TPST2: variants seen among roughly 807,000 people sequenced by gnomAD.
TPST2 encodes the protein tyrosylprotein sulfotransferase 2.
Under a neutral mutation model 27.8 loss-of-function variants are expected in TPST2, and 16 were observed. The ratio of observed to expected loss-of-function variants is 0.58; its 90% CI spans 0.39 to 0.88. The LOEUF is 0.88. Ranked by LOEUF, TPST2 falls within the 40% of genes least tolerant of loss-of-function variation. TPST2 has a pLI of 0.00. For missense variants in TPST2, 464 were observed against 543.1 expected, an observed-to-expected ratio of 0.85 and a Z score of 1.45; for synonymous variants, 229 against 231.7, an observed-to-expected ratio of 0.99 and a Z score of 0.10.
chr22:26,573,041 TACACATAAGGGC>T (rs1460793744), intron 1 of TPST2, among the ~76,000 whole-genome samples: 1 of 152,176 alleles, frequency 6.6e-6, no homozygotes, highest in Non-Finnish European at 1.5e-5. Flanking sequence ...AGCAGCTAAA[TACACATAAGGGC>T]TTTACTACCA....
At chr22:26,582,930 C>T (rs959214384) in intron 1 of TPST2, among the ~76,000 whole-genome samples, 1 of 151,968 alleles carries the variant, frequency 6.6e-6, no homozygotes, top group African/African-American at 2.4e-5. Flanking sequence ...GGTGGCACGG[C>T]ACCCTAGCGC....
At chr22:26,562,246 G>T (rs1927140802) in intron 1 of TPST2, among the ~76,000 whole-genome samples, 1 of 152,204 alleles carries the variant, frequency 6.6e-6, no homozygotes, top group African/African-American at 2.4e-5. Flanking sequence ...CTGAGCTCCA[G>T]TCTGCCCATA....
chr22:26,568,988 C>A (rs980249136), intron 1 of TPST2, among the ~76,000 whole-genome samples: 5 of 152,000 alleles, frequency 3.3e-5, no homozygotes, highest in South Asian at 2.1e-4. Flanking sequence ...CTCAGCCTCC[C>A]GAGTAGCTGG....
intron 1 of TPST2, among the ~76,000 whole-genome samples, chr22:26,548,329 G>A (rs1259789453): frequency 6.7e-6 from 1 of 149,752 alleles, no homozygotes; most frequent in Non-Finnish European, 1.5e-5. Flanking sequence ...GGAAAGGGAA[G>A]GGGAGGGGAG....
intron 6 of TPST2, 135 bp downstream of exon 6, chr22:26,528,079 G>A: frequency 1.1e-6 from 1 of 932,636 alleles, no homozygotes; most frequent in Non-Finnish European, 1.6e-6. Context: ...CCTCTGATGG[G>A]GCTGGGTCAG....
At chr22:26,550,657 T>TC in intron 1 of TPST2, 1 of 985,728 alleles carries the variant, frequency 1.0e-6, no homozygotes, top group Non-Finnish European at 1.2e-6. Context: ...CTGCAATTCC[T>TC]CCCCATGGGA....
At chr22:26,563,565 G>C (rs1048201102) in intron 1 of TPST2, among the ~76,000 whole-genome samples, 2 of 151,726 alleles carry the variant, frequency 1.3e-5, no homozygotes, top group African/African-American at 4.8e-5. Flanking sequence ...TCCTGACCTT[G>C]TGATCCACCC....
chr22:26,563,747 T>A (rs1927240977), intron 1 of TPST2, among the ~76,000 whole-genome samples: 1 of 152,064 alleles, frequency 6.6e-6, no homozygotes, highest in Admixed American at 6.5e-5. Context: ...TGACATACCA[T>A]CACAAAGGAC....
At chr22:26,585,632 G>A (rs1259712596) in intron 1 of TPST2, among the ~76,000 whole-genome samples, 9 of 152,116 alleles carry the variant, frequency 5.9e-5, no homozygotes, top group Non-Finnish European at 1.0e-4. Context: ...GCCACGTGGG[G>A]CATCAAAGCC....
Position 26,532,703 on chromosome 22 carries a change from A to C in TPST2, c.1084T>G (p.Tyr362Asp). The C allele has an allele frequency of 6.2e-7, 1 of 1,614,044 alleles. No individual in the cohort carries two copies. Among genetic ancestry groups the C allele is most frequent in the Non-Finnish European group, 8.5e-7 (1 of 1,179,900 alleles). Residue 362 changes from tyrosine to aspartate, a missense_variant, in exon 5 of 7, where the codon TAT becomes GAT. Physicochemically the swap from Tyr to Asp is radical, Grantham distance 160. Transcript: ENST00000338754. Reference sequence around the variant, plus strand: ...CCCTTGGGGTTTCTAACCTGAAAATATCCTTTCAGATTGGCTGGTGTTTTA... The same window carrying C: ...CCCTTGGGGTTTCTAACCTGAAAATCTCCTTTCAGATTGGCTGGTGTTTTA... ...DYKTPANLKG[Y>D]FQVNQNSTSS...
intron 1 of TPST2, among the ~76,000 whole-genome samples, chr22:26,571,318 C>A (rs560009231): frequency 1.6e-4 from 24 of 152,334 alleles, no homozygotes; most frequent in African/African-American, 5.5e-4. Context: ...CACTCTCTCA[C>A]CCTCCTGTCC....
chr22:26,572,780 T>TTTC (rs1211439476), intron 1 of TPST2, among the ~76,000 whole-genome samples: 1 of 152,198 alleles, frequency 6.6e-6, no homozygotes, highest in Non-Finnish European at 1.5e-5. Flanking sequence ...GTGGGTTTTT[T>TTTC]TTCTTCTTCT....
rs144023422 is a variant in TPST2 at position 26,526,906 on chromosome 22, C to T, written c.*8-639G>A. On this transcript the variant is annotated intron_variant, in intron 6 of 6. Transcript: ENST00000338754. ...CAGCCTGGCCAACATGGTGAAACCCCGTCTCTACTAAAAATACAAAAATTA... is the reference window on the plus strand; with the variant it reads ...CAGCCTGGCCAACATGGTGAAACCCTGTCTCTACTAAAAATACAAAAATTA... Among the ~76,000 whole-genome samples the T allele has an allele frequency of 2.2e-3, 336 of 152,174 alleles. 4 individuals are homozygous for T. Among genetic ancestry groups the T allele is most frequent in the African/African-American group, 7.8e-3 (323 of 41,526 alleles).
chr22:26,542,291 G>C (rs1005626538), intron 2 of TPST2, among the ~76,000 whole-genome samples: 24 of 148,642 alleles, frequency 1.6e-4, no homozygotes, highest in African/African-American at 5.9e-4. Context: ...AGAGATCATA[G>C]CTCACTGCGG....
At chr22:26,533,689 A>G (rs1329939617) in intron 4 of TPST2, among the ~76,000 whole-genome samples, 5 of 147,078 alleles carry the variant, frequency 3.4e-5, no homozygotes, top group African/African-American at 1.3e-4. Context: ...TTTTTTTTCT[A>G]TTGAGACATG....
intron 1 of TPST2, among the ~76,000 whole-genome samples, chr22:26,546,754 T>C (rs1926147715): frequency 6.6e-6 from 1 of 152,268 alleles, no homozygotes; most frequent in African/African-American, 2.4e-5. Flanking sequence ...CAGTGGCTAC[T>C]GTACTGGACA....
At chr22:26,576,218 T>C (rs886961791) in intron 1 of TPST2, among the ~76,000 whole-genome samples, 3 of 152,114 alleles carry the variant, frequency 2.0e-5, no homozygotes, top group African/African-American at 7.2e-5. Flanking sequence ...CCCATATGCC[T>C]TGGAAGGCTT....
chr22:26,579,336 C>T (rs910493545), intron 1 of TPST2, among the ~76,000 whole-genome samples: 2 of 152,236 alleles, frequency 1.3e-5, no homozygotes, highest in African/African-American at 2.4e-5. Flanking sequence ...GACACTCCCC[C>T]AGTACCCCAA....
At chr22:26,585,158 C>T (rs1353572914) in intron 1 of TPST2, among the ~76,000 whole-genome samples, 1 of 152,196 alleles carries the variant, frequency 6.6e-6, no homozygotes, top group African/African-American at 2.4e-5. Context: ...CAGGCCAGTG[C>T]CCCCTAGCTC....
Sources: gnomAD v4.1 joint callset for allele counts (sites outside exome capture counted in the v4.1 genomes callset) on GRCh38, gnomAD v4.1.1 for gene constraint, MANE v1.5 for transcripts, NCBI Gene and HGNC (gene_info 2026-07-23, HGNC 2026-07-21) for gene names.